The following CRYBG2 variants were observed in gnomAD, a reference collection of about 807,000 sequenced individuals.
CRYBG2 encodes the protein crystallin beta-gamma domain containing 2.
CRYBG2 carries 106 observed loss-of-function variants against 153.4 expected under a neutral mutation model. That is an observed-to-expected ratio of 0.69 (90% CI 0.59 to 0.81). The LOEUF (loss-of-function observed/expected upper bound fraction) is 0.81, where lower values mean the gene tolerates loss of function less well. Among genes scored for constraint, CRYBG2 ranks in the 30% least tolerant of loss-of-function variants. The probability of loss-of-function intolerance (pLI) is 0.00; values close to 1 mark genes in which losing one functional copy is unlikely to be tolerated. For missense variants in CRYBG2, 1,996 were observed against 2,112.0 expected (o/e 0.95, Z 1.08); for synonymous variants, 851 against 877.8 (o/e 0.97, Z 0.54).
Position 26,335,828 on chromosome 1 carries a change from C to T in CRYBG2, c.4184+267G>A, listed in dbSNP as rs1023055664. Among the ~76,000 whole-genome samples the T allele has an allele frequency of 3.9e-4, 60 of 152,110 alleles. 1 individual carries two copies. The highest frequency in any genetic ancestry group is 8.8e-5 in the Non-Finnish European group (6 of 68,026). On this transcript the variant is annotated intron_variant, in intron 14 of 19. Coordinates refer to ENST00000308182, the MANE Select transcript of CRYBG2 (RefSeq NM_001039775.4). ...AGAGACACACGTTGAAGTGTGTACC[C>T]ATGAAATTTTACGTTGGGTCAGGGA...
chr1:26,336,289 G>T lies in CRYBG2; in HGVS notation c.4071+49C>A. The T allele has an allele frequency of 2.5e-6, 4 of 1,610,128 alleles. No homozygotes were observed. Among genetic ancestry groups the T allele is most frequent in the Non-Finnish European group, 3.4e-6 (4 of 1,178,054 alleles). ...AGCGGGGAGGGGAAAGGTCCGAAAT[G>T]AGGGGAGAGACGTGAGCCCAGCGGC... On this transcript the variant is annotated intron_variant, in intron 13 of 19. Coordinates refer to ENST00000308182, the MANE Select transcript of CRYBG2 (RefSeq NM_001039775.4). The surrounding 1 kb of genome is among the most constrained non-coding windows in gnomAD (Gnocchi z 4.9).
intron 1 of CRYBG2, among the ~76,000 whole-genome samples, chr1:26,347,866 TC>T (rs2074245252): frequency 1.3e-5 from 2 of 152,178 alleles, no homozygotes; most frequent in South Asian, 4.1e-4. Context: ...GCTGAAGTGA[TC>T]CTCCCACCTT....
chr1:26,352,614 G>A (rs940350440), intron 1 of CRYBG2, among the ~76,000 whole-genome samples: 6 of 152,138 alleles, frequency 3.9e-5, no homozygotes, highest in African/African-American at 1.4e-4. Context: ...GGACATAGAA[G>A]GATGATGTTT....
Position 26,321,886 on chromosome 1 carries a change from A to G in CRYBG2, c.*82T>C, listed in dbSNP as rs1402638004. The G allele has an allele frequency of 8.8e-6, 11 of 1,247,896 alleles. No individual in the cohort carries two copies. The highest frequency in any genetic ancestry group is 1.1e-5 in the Non-Finnish European group (10 of 917,974). 77.3% of individuals were successfully genotyped at this position (1,247,896 alleles called of 1,614,324 possible). The stretch of plus-strand genomic sequence containing the variant: ...AGGGTACCTGGCAGCATATTAGAAA[A>G]TAGCTTATGTTACAACAAAAACCCT... On this transcript the variant is annotated 3_prime_UTR_variant, in exon 20 of 20. Coordinates refer to ENST00000308182, the MANE Select transcript of CRYBG2 (RefSeq NM_001039775.4).
Position 26,345,458 on chromosome 1 carries a change from A to C in CRYBG2, c.1200T>G (p.Pro400=), listed in dbSNP as rs2074201872. The part of the protein sequence containing the change: ...PKKKDGPVDP[P]AATVLPMVRS... ...TCACCATGGGCAGGACGGTGGCAGC[A>C]GGGGGGTCCACGGGCCCGTCCTTTT... The change falls in exon 2 of 20, where the codon CCT becomes CCG. Residue 400 remains proline, a synonymous_variant. Transcript: ENST00000308182. 6.3e-7 allele frequency: 1 copy of C among 1,598,778 alleles called. No individual in the cohort carries two copies. The highest frequency in any genetic ancestry group is 8.5e-7 in the Non-Finnish European group (1 of 1,171,402).
chr1:26,344,922 G>A lies in CRYBG2; in HGVS notation c.1736C>T (p.Pro579Leu). The A allele has an allele frequency of 6.6e-7, 1 of 1,522,120 alleles. No individual in the cohort carries two copies. Among genetic ancestry groups the A allele is most frequent in the Non-Finnish European group, 8.7e-7 (1 of 1,143,420 alleles). 94.3% of individuals were successfully genotyped at this position (1,522,120 alleles called of 1,614,324 possible). The change falls in exon 2 of 20, where the codon CCA (proline) becomes CTA (leucine). Residue 579 changes from proline (P) to leucine (L), a missense_variant. By Grantham distance (98) the Pro-to-Leu change is moderately conservative. Transcript: ENST00000308182. The stretch of plus-strand genomic sequence containing the variant: ...ACCAGGGCCCTTCACAACCTCTTTT[G>A]GGGTGGTGGACAAGGCAGCAGGAGC... ...SGAPAALSTT[P>L]KEVVKGPGAP...
Position 26,343,683 on chromosome 1 carries a change from C to T in CRYBG2, c.2913+62G>A. The stretch of plus-strand genomic sequence containing the variant: ...ACTCCCAGCACCACTCTCTTCACAC[C>T]ACTCAAGCCTTGACCCAGGTGAGGC... On this transcript the variant is annotated intron_variant, in intron 2 of 19. Coordinates refer to ENST00000308182, the MANE Select transcript of CRYBG2 (RefSeq NM_001039775.4). This position sits in a 1 kb window ranked among gnomAD's most constrained non-coding sequence, Gnocchi z 4.1. 1 of 1,431,348 alleles carries T rather than the reference C, an allele frequency of 7.0e-7. No individual in the cohort carries two copies. Among genetic ancestry groups the T allele is most frequent in the Non-Finnish European group, 9.2e-7 (1 of 1,090,006 alleles). The allele number at this position is 1,431,348 out of a possible 1,614,324, so 88.7% of individuals were successfully genotyped here.
chr1:26,336,153 C>A lies in CRYBG2; in HGVS notation c.4126G>T (p.Asp1376Tyr). The A allele has an allele frequency of 6.5e-7, 1 of 1,543,214 alleles. No individual in the cohort carries two copies. The highest frequency in any genetic ancestry group is 1.2e-5 in the South Asian group (1 of 82,476). ...FLGDHFSFEDDQAALPASFRP... is the reference protein window; with the variant it reads ...FLGDHFSFEDYQAALPASFRP... ...AAGGAGGCGGGCAGAGCGGCCTGGTCATCTTCGAAAGAGAAGTGGTCGCCC... is the reference window on the plus strand; with the variant it reads ...AAGGAGGCGGGCAGAGCGGCCTGGTAATCTTCGAAAGAGAAGTGGTCGCCC... The change falls in exon 14 of 20, where the codon GAC becomes TAC. Residue 1376 changes from aspartate to tyrosine, a missense_variant. Physicochemically the swap from Asp to Tyr is radical, Grantham distance 160. Coordinates refer to ENST00000308182, the MANE Select transcript of CRYBG2 (RefSeq NM_001039775.4). This position sits in a 1 kb window ranked among gnomAD's most constrained non-coding sequence, Gnocchi z 4.9.
intron 5 of CRYBG2, among the ~76,000 whole-genome samples, 200 bp from the exon 6 acceptor site, chr1:26,339,629 G>A (rs1279554928): frequency 2.0e-5 from 3 of 152,000 alleles, no homozygotes; most frequent in Admixed American, 6.6e-5. Flanking sequence ...CCAGCTACTC[G>A]GGAGCCTGAG....
Position 26,344,533 on chromosome 1 carries a change from A to G in CRYBG2, c.2125T>C (p.Ser709Pro), listed in dbSNP as rs1557716742. 3 of 1,546,554 alleles carry G rather than the reference A, an allele frequency of 1.9e-6. No homozygotes were observed. The highest frequency in any genetic ancestry group is 1.4e-5 in the African/African-American group (1 of 73,136). ...VQDPDALPAP[S>P]SSVDRVSPSP... ...GGGGACACCCTGTCCACTGAGGAAG[A>G]TGGGGCAGGGAGAGCATCAGGGTCC... The change falls in exon 2 of 20, where the codon TCT (serine) becomes CCT (proline). Residue 709 changes from serine (S) to proline (P), a missense_variant. By Grantham distance (74) the Ser-to-Pro change is moderately conservative. Transcript: ENST00000308182.
rs777985502 is a variant in CRYBG2, at chr1:26,322,230, A to T, written c.4831T>A (p.Trp1611Arg). The change falls in exon 19 of 20, where the codon TGG becomes AGG. Residue 1611 changes from tryptophan (W) to arginine (R), a missense_variant. Coordinates refer to ENST00000308182, the MANE Select transcript of CRYBG2 (RefSeq NM_001039775.4). The stretch of plus-strand genomic sequence containing the variant: ...ATGTGGCCCGATTCACTGATGCTCC[A>T]CGTCTGGCGCGGCAGGCGGCTCTCG... ...WAESRLPRQT[W>R]SISESGHICS... is the part of the protein sequence containing the mutation. 2 of 1,614,000 alleles carry T rather than the reference A, an allele frequency of 1.2e-6. No homozygotes were observed. The highest frequency in any genetic ancestry group is 1.7e-6 in the Non-Finnish European group (2 of 1,180,008).
intron 5 of CRYBG2, among the ~76,000 whole-genome samples, 165 bp downstream of exon 5, chr1:26,342,589 G>A (rs1057094500): frequency 2.6e-5 from 4 of 152,128 alleles, no homozygotes; most frequent in African/African-American, 4.8e-5. Flanking sequence ...TAGTAGAGAC[G>A]GGGTTTCACA....
chr1:26,328,756 A>G lies in CRYBG2; in HGVS notation c.4432T>C (p.Ser1478Pro). 2 of 1,613,902 alleles carry G rather than the reference A, an allele frequency of 1.2e-6. No homozygotes were observed. The highest frequency in any genetic ancestry group is 1.7e-6 in the Non-Finnish European group (2 of 1,179,944). The change falls in exon 16 of 20, where the codon TCT becomes CCT. Residue 1478 changes from serine (S) to proline (P), a missense_variant. By Grantham distance (74) the Ser-to-Pro change is moderately conservative (BLOSUM62 -1). Coordinates refer to ENST00000308182, the MANE Select transcript of CRYBG2 (RefSeq NM_001039775.4). ...CACATGCCCCCCTTGATCCGCACAG[A>G]CAGCACATGGTTGTTGAAGCCCTCG... The part of the protein sequence containing the change: ...QAEGFNNHVL[S>P]VRIKGGIWVL...
In CRYBG2 at chr1:26,346,670, C is replaced by T. The variant is rs116002347; in HGVS notation, c.-13G>A. ...CTGCCTCCTCCATGTGGGGCCCTGGCAACCTGTCTGGAGGTGTCCTTGTCC... is the reference window on the plus strand; with the variant it reads ...CTGCCTCCTCCATGTGGGGCCCTGGTAACCTGTCTGGAGGTGTCCTTGTCC... On this transcript the variant is annotated 5_prime_UTR_variant, in exon 2 of 20. Transcript: ENST00000308182. This position sits in a 1 kb window ranked among gnomAD's most constrained non-coding sequence, Gnocchi z 4.9. 1,582 of 1,522,580 alleles carry T rather than the reference C, an allele frequency of 1.0e-3. 17 individuals are homozygous for T. In the African/African-American group the frequency reaches 0.019, roughly 19 times the overall value. The allele number at this position is 1,522,580 out of a possible 1,614,324, so 94.3% of individuals were successfully genotyped here.
At chr1:26,337,065 CG>C in intron 10 of CRYBG2, 85 bp from the exon 11 acceptor site, 1 of 1,576,968 alleles carries the variant, frequency 6.3e-7, no homozygotes, top group Non-Finnish European at 8.6e-7. Flanking sequence ...ACAGCCCACC[CG>C]GGGAATTAGG....
intron 14 of CRYBG2, 116 bp from the exon 15 acceptor site, chr1:26,331,734 G>GATC: frequency 6.4e-6 from 9 of 1,401,956 alleles, no homozygotes; most frequent in Non-Finnish European, 8.8e-6. Flanking sequence ...TGTCCCAGGG[G>GATC]AGGTGGGATG....
chr1:26,338,087 G>C (rs1323459701), intron 7 of CRYBG2, 40 bp from the exon 8 acceptor site: 1 of 1,608,488 alleles, frequency 6.2e-7, no homozygotes, highest in Non-Finnish European at 8.5e-7. Context: ...CCCAGAGATG[G>C]GAAAGACAGA....
intron 14 of CRYBG2, among the ~76,000 whole-genome samples, chr1:26,334,188 C>T (rs1285027991): frequency 6.6e-6 from 1 of 152,138 alleles, no homozygotes; most frequent in Admixed American, 6.5e-5. Context: ...TTTGGGAGAC[C>T]AAGAAGGGAG....
rs776308885 is a variant in CRYBG2, at chr1:26,322,170, C to T, written c.4891G>A (p.Val1631Met). The stretch of plus-strand genomic sequence containing the variant: ...CCCATACATCCCACCTTACCCTTCA[C>T]GTCCAGGATCTGGCCTTCGAACATC... The part of the protein sequence containing the change: ...SQMFEGQILD[V>M]KGGRGYDRDH... The change falls in exon 19 of 20, where the codon GTG becomes ATG. Residue 1631 changes from valine to methionine, a missense_variant. Transcript: ENST00000308182. 3.7e-6 allele frequency: 6 copies of T among 1,613,528 alleles called. No homozygotes were observed. The highest frequency in any genetic ancestry group is 2.2e-5 in the East Asian group (1 of 44,874).
Sources: gnomAD v4.1 joint callset for allele counts (sites outside exome capture counted in the v4.1 genomes callset) on GRCh38, gnomAD v4.1.1 for gene constraint, Gnocchi (gnomAD v3.1) non-coding constraint, MANE v1.5 for transcripts, NCBI Gene and HGNC (gene_info 2026-07-23, HGNC 2026-07-21) for gene names.